Variants in MYO18A observed in about 807,000 individuals in gnomAD.
MYO18A encodes unconventional myosin-XVIIIa.
MYO18A carries 78 observed loss-of-function variants against 235.8 expected under a neutral mutation model. The observed-to-expected ratio is 0.33, with a 90% confidence interval of 0.28 to 0.40. MYO18A has a LOEUF of 0.40. MYO18A is among the 10% of genes least tolerant of loss of function. The pLI, the probability that MYO18A is intolerant of heterozygous loss-of-function variation, is 1.00. For missense variants in MYO18A, 2,215 were observed against 2,699.3 expected (o/e 0.82, Z 3.98); for synonymous variants, 977 against 1,077.8 (o/e 0.91, Z 1.83).
chr17:29,090,316 AT>A (rs1247689000), intron 36 of MYO18A, among the ~76,000 whole-genome samples: 4 of 152,214 alleles, frequency 2.6e-5, no homozygotes, highest in Admixed American at 6.5e-5. Context: ...AAAGCTAAGG[AT>A]CGGAGAGGGA....
In MYO18A at chr17:29,074,253, A is replaced by C; in HGVS notation, c.*517T>G. On this transcript the variant is annotated 3_prime_UTR_variant, in exon 42 of 42. Transcript: ENST00000527372. This position sits in a 1 kb window ranked among gnomAD's most constrained non-coding sequence, Gnocchi z 4.4. ...ACCACTACAGCCCCCTCCCACTCTC[A>C]GGGATGCAGCTGTGATGGAGAGGTT... 1.4e-6 allele frequency: 2 copies of C among 1,477,930 alleles called. No individual in the cohort carries two copies. Among genetic ancestry groups the C allele is most frequent in the Non-Finnish European group, 1.8e-6 (2 of 1,090,050 alleles). The allele number at this position is 1,477,930 out of a possible 1,614,324, so 91.6% of individuals were successfully genotyped here. A position where few individuals can be genotyped will look rare whatever the true frequency, so the allele number is the denominator to read the frequency against.
At chr17:29,153,349 C>T (rs2067997547) in intron 2 of MYO18A, among the ~76,000 whole-genome samples, 1 of 152,162 alleles carries the variant, frequency 6.6e-6, no homozygotes, top group Non-Finnish European at 1.5e-5. Context: ...CACTATGTTG[C>T]CCAGGCTAGT....
intron 2 of MYO18A, among the ~76,000 whole-genome samples, chr17:29,134,488 A>G (rs1437779534): frequency 3.9e-5 from 6 of 152,200 alleles, no homozygotes; most frequent in African/African-American, 1.4e-4. Flanking sequence ...CTGGCACCTT[A>G]GGAGTCTACG....
rs1025904039 is a variant in MYO18A at position 29,117,674 on chromosome 17, G to T, written c.2038+371C>A. 3.0e-4 allele frequency among the ~76,000 whole-genome samples: 46 copies of T among 152,260 alleles called. 1 individual carries two copies. In the Middle Eastern group the frequency reaches 0.01, roughly 34 times the overall value. Reference sequence around the variant, plus strand: ...CGGCGGCCCCTATACCCAAGGGCGGGGCCAAGGTCAGTTACCCGCTTGCTC... The same window carrying T: ...CGGCGGCCCCTATACCCAAGGGCGGTGCCAAGGTCAGTTACCCGCTTGCTC... On this transcript the variant is annotated intron_variant, in intron 10 of 41. Coordinates refer to ENST00000527372, the MANE Select transcript of MYO18A (RefSeq NM_078471.4). This position sits in a 1 kb window ranked among gnomAD's most constrained non-coding sequence, Gnocchi z 4.6.
Position 29,074,793 on chromosome 17 carries a change from T to C in MYO18A, c.6142A>G (p.Lys2048Glu), listed in dbSNP as rs752073731. Residue 2048 changes from lysine to glutamate, a missense_variant, in exon 42 of 42, where the codon AAG becomes GAG. Coordinates refer to ENST00000527372, the MANE Select transcript of MYO18A (RefSeq NM_078471.4). This position sits in a 1 kb window ranked among gnomAD's most constrained non-coding sequence, Gnocchi z 4.4. ...SYLSDSDTEA[K>E]LTETNA ...GGCTATGCGTTAGTCTCCGTCAGCT[T>C]GGCCTCTGTGTCGCTGTCACTCAGA... 11 of 1,613,900 alleles carry C rather than the reference T, an allele frequency of 6.8e-6. No individual in the cohort carries two copies. The highest frequency in any genetic ancestry group is 9.3e-6 in the Non-Finnish European group (11 of 1,179,862).
intron 2 of MYO18A, chr17:29,127,795 C>T (rs1252571877): frequency 2.1e-6 from 2 of 950,066 alleles, no homozygotes; most frequent in Non-Finnish European, 2.5e-6. Flanking sequence ...GTGAGGGTGC[C>T]TGGCCCTTGA....
intron 1 of MYO18A, among the ~76,000 whole-genome samples, chr17:29,179,267 C>A (rs931692663): frequency 6.6e-6 from 1 of 151,820 alleles, no homozygotes; most frequent in Admixed American, 6.6e-5. Flanking sequence ...CCATCTCCCC[C>A]ACCCCCCACC....
intron 2 of MYO18A, among the ~76,000 whole-genome samples, chr17:29,142,619 C>A (rs890323213): frequency 6.6e-6 from 1 of 152,178 alleles, no homozygotes; most frequent in East Asian, 1.9e-4. Context: ...GGTGCAGCAT[C>A]TGTGTTTTAA....
At chr17:29,114,528 C>G (rs951770841) in intron 14 of MYO18A, among the ~76,000 whole-genome samples, 1 of 152,216 alleles carries the variant, frequency 6.6e-6, no homozygotes, top group Non-Finnish European at 1.5e-5. Flanking sequence ...CACCCTTTTA[C>G]AGAAGGCACT....
intron 1 of MYO18A, among the ~76,000 whole-genome samples, chr17:29,174,349 AT>A (rs2068474011): frequency 6.6e-6 from 1 of 152,024 alleles, no homozygotes; most frequent in African/African-American, 2.4e-5. Context: ...CTACAAAAAA[AT>A]TTTTTAAAAG....
rs1205030024 is a variant in MYO18A at position 29,121,714 on chromosome 17, G to T, written c.1204C>A (p.Pro402Thr). 2 of 1,571,588 alleles carry T rather than the reference G, an allele frequency of 1.3e-6. No homozygotes were observed. Among genetic ancestry groups the T allele is most frequent in the Admixed American group, 1.9e-5 (1 of 52,768 alleles). ...DEDDVEKANAPSCDRLEDLAS... is the reference protein window; with the variant it reads ...DEDDVEKANATSCDRLEDLAS... ...AGATCCTCCAGACGGTCGCAGGAGG[G>T]AGCATTAGCCTGTGTGGGAGGACAG... Residue 402 changes from proline to threonine, a missense_variant, in exon 5 of 42, where the codon CCC becomes ACC. By Grantham distance (38) the Pro-to-Thr change is conservative. Transcript: ENST00000527372. This position sits in a 1 kb window ranked among gnomAD's most constrained non-coding sequence, Gnocchi z 4.2.
intron 2 of MYO18A, among the ~76,000 whole-genome samples, chr17:29,124,912 G>A (rs1341453344): frequency 6.6e-6 from 1 of 152,132 alleles, no homozygotes; most frequent in African/African-American, 2.4e-5. Flanking sequence ...AGAGACACTA[G>A]TGACCATCAG....
chr17:29,115,460 A>T lies in MYO18A; in HGVS notation c.2228-19T>A, dbSNP rs2152837515. Reference sequence around the variant, plus strand: ...TTCGGGCCTGTGGGGCAGGGGGAGCAGCGCTATCTCCTTCTCCCCAGGGCT... The same window carrying T: ...TTCGGGCCTGTGGGGCAGGGGGAGCTGCGCTATCTCCTTCTCCCCAGGGCT... On this transcript the variant is annotated intron_variant, in intron 12 of 41. Transcript: ENST00000527372. The T allele has an allele frequency of 6.2e-7, 1 of 1,610,592 alleles. No individual in the cohort carries two copies. The highest frequency in any genetic ancestry group is 1.7e-4 in the Middle Eastern group (1 of 6,036).
At position 29,113,930 on chromosome 17, in the gene MYO18A, C is replaced by T. The variant is rs2066993410; in HGVS notation, c.2598+81G>A. The T allele has an allele frequency of 3.4e-6, 4 of 1,170,582 alleles. No individual in the cohort carries two copies. The African/African-American group carries it at 4.6e-5, about 13-fold the overall frequency. 72.5% of individuals were successfully genotyped at this position (1,170,582 alleles called of 1,614,324 possible). ...CACAGTGGCACCCCCAGCAGCAGCT[C>T]AGATGGGGAGGGCTCCACCACGGGG... On this transcript the variant is annotated intron_variant, in intron 15 of 41. Coordinates refer to ENST00000527372, the MANE Select transcript of MYO18A (RefSeq NM_078471.4).
chr17:29,130,299 CAAAAAAAA>C (rs564370108), intron 2 of MYO18A, among the ~76,000 whole-genome samples: 2 of 55,934 alleles, frequency 3.6e-5, no homozygotes, highest in African/African-American at 8.0e-5. Flanking sequence ...AACCCTGTCT[CAAAAAAAA>C]AAAAAAAAAA....
chr17:29,112,964 G>C (rs1341570858), intron 15 of MYO18A, among the ~76,000 whole-genome samples: 1 of 152,194 alleles, frequency 6.6e-6, no homozygotes, highest in Non-Finnish European at 1.5e-5. Flanking sequence ...TTCCCCAGGG[G>C]TGCAGCCGCC....
chr17:29,085,916 G>A (rs1049029640), intron 39 of MYO18A, among the ~76,000 whole-genome samples: 8 of 152,230 alleles, frequency 5.3e-5, no homozygotes, highest in Admixed American at 2.0e-4. Flanking sequence ...GCCCTAAGGT[G>A]GGAAGGGGGC....
At chr17:29,151,904 C>T (rs912603532) in intron 2 of MYO18A, among the ~76,000 whole-genome samples, 1 of 152,178 alleles carries the variant, frequency 6.6e-6, no homozygotes, top group Non-Finnish European at 1.5e-5. Context: ...CTGGACACCT[C>T]CCTGTGTCAC....
At chr17:29,147,526 CA>C (rs1264727831) in intron 2 of MYO18A, among the ~76,000 whole-genome samples, 2 of 150,690 alleles carry the variant, frequency 1.3e-5, no homozygotes, top group Middle Eastern at 3.3e-3. Flanking sequence ...TGCCTAAAAA[CA>C]AAAAACAAAA....
Sources: allele counts gnomAD v4.1 joint callset (sites outside exome capture counted in the v4.1 genomes callset), GRCh38; gene constraint gnomAD v4.1.1; non-coding constraint Gnocchi (gnomAD v3.1); transcripts MANE v1.5; gene names NCBI Gene and HGNC (gene_info 2026-07-23, HGNC 2026-07-21).